ERMARD: variants seen among roughly 807,000 people sequenced by gnomAD.
ERMARD encodes the protein ER membrane associated RNA degradation.
A neutral mutation model predicts 83.9 loss-of-function variants in ERMARD; 71 were observed. The observed-to-expected ratio is 0.85, with a 90% CI of 0.70 to 1.03. ERMARD has a LOEUF of 1.03. Among genes scored for constraint, ERMARD ranks in the 50% least tolerant of loss-of-function variants. The pLI is 0.00. For missense variants in ERMARD, 838 were observed against 810.9 expected, an observed-to-expected ratio of 1.03 and a Z score of -0.41; for synonymous variants, 284 against 298.6, an observed-to-expected ratio of 0.95 and a Z score of 0.50.
chr6:169,764,039 G>C (rs146584856), intron 9 of ERMARD, among the ~76,000 whole-genome samples: 59 of 152,318 alleles, frequency 3.9e-4, no homozygotes, highest in African/African-American at 1.4e-3. Context: ...AGCCTCACCA[G>C]CTGCAGACTC....
rs1007180518 is a variant in ERMARD, at chr6:169,776,031, G to A, written c.1486G>A (p.Val496Met). ...LYHHMPENRC[V>M]LKDLDRLPTE... is the part of the protein sequence containing the mutation. ...TCACCATATGCCTGAGAATCGTTGT[G>A]TGTTAAAGGACTTGGATCGTCTTCC... Residue 496 changes from valine to methionine, a missense_variant, in exon 15 of 18, where the codon GTG becomes ATG. Coordinates refer to ENST00000366773, the MANE Select transcript of ERMARD (RefSeq NM_018341.3). The A allele has an allele frequency of 6.2e-7, 1 of 1,614,040 alleles. No homozygotes were observed. Among genetic ancestry groups the A allele is most frequent in the Non-Finnish European group, 8.5e-7 (1 of 1,180,040 alleles).
intron 8 of ERMARD, 63 bp downstream of exon 8, chr6:169,760,819 C>A: frequency 8.9e-7 from 1 of 1,128,320 alleles, no homozygotes; most frequent in Non-Finnish European, 1.3e-6. Context: ...TCTTGATGCC[C>A]TTCACTTTCG....
At chr6:169,773,534 A>G in intron 13 of ERMARD, 132 bp downstream of exon 13, 1 of 808,200 alleles carries the variant, frequency 1.2e-6, no homozygotes, top group Non-Finnish European at 2.0e-6. Flanking sequence ...CTTTTTAACC[A>G]GTGCGGGGCC....
chr6:169,766,866 C>T (rs1792279486), intron 10 of ERMARD, 199 bp downstream of exon 10: 1 of 468,532 alleles, frequency 2.1e-6, no homozygotes. Flanking sequence ...ATCTAGCTCC[C>T]AAAGCTATCC....
At chr6:169,765,601 A>G (rs1792096923) in intron 9 of ERMARD, among the ~76,000 whole-genome samples, 1 of 152,272 alleles carries the variant, frequency 6.6e-6, no homozygotes, top group South Asian at 2.1e-4. Flanking sequence ...TTGGATATTT[A>G]GAACTCAGAG....
rs560254920 is a variant in ERMARD at position 169,779,863 on chromosome 6, C to T, written c.1853+568C>T. On this transcript the variant is annotated intron_variant, in intron 17 of 17. Coordinates refer to ENST00000366773, the MANE Select transcript of ERMARD (RefSeq NM_018341.3). Reference sequence around the variant, plus strand: ...GATCTAGGAGTCTGAAGTAGTGTGACACTTGTGTGACCCACTTTACATCCA... The same window carrying T: ...GATCTAGGAGTCTGAAGTAGTGTGATACTTGTGTGACCCACTTTACATCCA... Among the ~76,000 whole-genome samples, 7 of 152,342 alleles carry T rather than the reference C, an allele frequency of 4.6e-5. No individual in the cohort carries two copies. In the South Asian group the frequency reaches 1.4e-3, roughly 32 times the overall value.
chr6:169,773,625 G>A (rs900973032), intron 13 of ERMARD, among the ~76,000 whole-genome samples: 4 of 152,180 alleles, frequency 2.6e-5, no homozygotes, highest in Admixed American at 6.5e-5. Context: ...CGGTGCTGAC[G>A]GCACTGAGGT....
chr6:169,774,942 C>A (rs1270620609), intron 13 of ERMARD, among the ~76,000 whole-genome samples: 1 of 152,196 alleles, frequency 6.6e-6, no homozygotes, highest in Non-Finnish European at 1.5e-5. Flanking sequence ...CATCGTCACA[C>A]CTGCTGTGTT....
intron 12 of ERMARD, chr6:169,770,650 T>C (rs7774026): frequency 0.58 from 88,552 of 151,946 alleles, 29,137 homozygotes; most frequent in East Asian, 0.98. Flanking sequence ...GACAGGGTCT[T>C]GCTCTGTCAC....
intron 1 of ERMARD, chr6:169,753,281 C>T (rs1205546556): frequency 6.5e-6 from 1 of 154,276 alleles, no homozygotes; most frequent in Non-Finnish European, 1.5e-5. Context: ...TGCCTCTTGT[C>T]TTCAGCTCAA....
At chr6:169,775,864 T>C in intron 14 of ERMARD, 76 bp from the exon 15 acceptor site, 3 of 1,546,618 alleles carry the variant, frequency 1.9e-6, no homozygotes, top group Non-Finnish European at 2.6e-6. Context: ...CAGTGAACCA[T>C]TGAACATTCT....
At chr6:169,755,675 A>T in intron 3 of ERMARD, 1 of 435,648 alleles carries the variant, frequency 2.3e-6, no homozygotes, top group East Asian at 4.2e-5. Context: ...AACATTTGTC[A>T]CACGGTGCCC....
chr6:169,762,365 G>A (rs888205913), intron 8 of ERMARD, 64 bp from the exon 9 acceptor site: 76 of 1,469,238 alleles, frequency 5.2e-5, no homozygotes, highest in Non-Finnish European at 7.1e-5. Context: ...ATGAGCCACT[G>A]CACCTGGCCT....
At chr6:169,773,553 C>A in intron 13 of ERMARD, 151 bp downstream of exon 13, 1 of 676,904 alleles carries the variant, frequency 1.5e-6, no homozygotes, top group Non-Finnish European at 2.5e-6. Flanking sequence ...CCTGCTGTGG[C>A]GCTGGCCTGG....
chr6:169,766,713 G>C, intron 10 of ERMARD, 46 bp downstream of exon 10: 1 of 1,528,004 alleles, frequency 6.5e-7, no homozygotes, highest in Non-Finnish European at 8.8e-7. Flanking sequence ...ACAGAACGCT[G>C]TCTTCTTTTA....
chr6:169,773,756 G>A (rs149358091), intron 13 of ERMARD, among the ~76,000 whole-genome samples: 22 of 152,306 alleles, frequency 1.4e-4, no homozygotes, highest in Admixed American at 2.6e-4. Flanking sequence ...GGTGAGTAAC[G>A]TCAGTTTTTC....
At chr6:169,751,906 C>T in intron 1 of ERMARD, 1 of 534,276 alleles carries the variant, frequency 1.9e-6, no homozygotes, top group Non-Finnish European at 3.1e-6. Flanking sequence ...TTCTCCGTCG[C>T]CTCCTGGCCC....
At chr6:169,774,064 A>C (rs572033798) in intron 13 of ERMARD, among the ~76,000 whole-genome samples, 1 of 152,292 alleles carries the variant, frequency 6.6e-6, no homozygotes, top group East Asian at 1.9e-4. Context: ...GGCTGGGCGC[A>C]GTGTCTCACG....
At chr6:169,768,300 T>C in intron 11 of ERMARD, 129 bp downstream of exon 11, 1 of 790,972 alleles carries the variant, frequency 1.3e-6, no homozygotes, top group Non-Finnish European at 2.0e-6. Context: ...TGCTGTGCTG[T>C]CTCAGCTTCA....
Sources: allele counts gnomAD v4.1 joint callset (sites outside exome capture counted in the v4.1 genomes callset), GRCh38; gene constraint gnomAD v4.1.1; transcripts MANE v1.5; gene names NCBI Gene and HGNC (gene_info 2026-07-23, HGNC 2026-07-21).